GPR26: variants seen among roughly 807,000 people sequenced by gnomAD.
GPR26 encodes the protein G protein-coupled receptor 26.
GPR26 carries 15 observed loss-of-function variants against 23.1 expected under a neutral mutation model. The ratio of observed to expected loss-of-function variants is 0.65; its 90% CI spans 0.43 to 1.00. The LOEUF is 1.00. Ranked by LOEUF, GPR26 falls within the 50% of genes least tolerant of loss-of-function variation. The probability of loss-of-function intolerance (pLI) is 0.00; values close to 1 mark genes in which losing one functional copy is unlikely to be tolerated. For synonymous variants in GPR26, 228 were observed against 222.1 expected (o/e 1.03, Z -0.24); for missense variants, 359 against 470.5 (o/e 0.76, Z 2.19).
rs1845517405 is a variant in GPR26, at chr10:123,694,031, T to C, written c.*5871T>C. 1 of 151,606 alleles carries C rather than the reference T, an allele frequency of 6.6e-6. No individual in the cohort carries two copies. Among genetic ancestry groups the C allele is most frequent in the African/African-American group, 2.4e-5 (1 of 41,374 alleles). 9.4% of individuals were successfully genotyped at this position (151,606 alleles called of 1,614,324 possible). ...CTATGAGCAGACTTGCCTGTCACTC[T>C]CCAAACATTTACTGAACACCTACTG... On this transcript the variant is annotated 3_prime_UTR_variant, in exon 3 of 3. Transcript: ENST00000284674.
At chr10:123,685,371 G>A (rs1184148847) in intron 2 of GPR26, among the ~76,000 whole-genome samples, 1 of 152,210 alleles carries the variant, frequency 6.6e-6, no homozygotes, top group Non-Finnish European at 1.5e-5. Context: ...AACGAAAGGA[G>A]CTGGGGGCTG....
chr10:123,696,164 T>C lies in GPR26; in HGVS notation c.*8004T>C, dbSNP rs1845541136. 6.6e-6 allele frequency among the ~76,000 whole-genome samples: 1 copy of C among 152,192 alleles called. No homozygotes were observed. Among genetic ancestry groups the C allele is most frequent in the African/African-American group, 2.4e-5 (1 of 41,454 alleles). ...TCCTTCTGCCATAGTATGTCGTGTG[T>C]AGTGGATGCCAGTAGACAACTTTAG... On this transcript the variant is annotated 3_prime_UTR_variant, in exon 3 of 3. Transcript: ENST00000284674.
chr10:123,696,248 T>C lies in GPR26; in HGVS notation c.*8088T>C, dbSNP rs1845542276. 6.6e-6 allele frequency among the ~76,000 whole-genome samples: 1 copy of C among 152,218 alleles called. No individual in the cohort carries two copies. Among genetic ancestry groups the C allele is most frequent in the Non-Finnish European group, 1.5e-5 (1 of 68,040 alleles). On this transcript the variant is annotated 3_prime_UTR_variant, in exon 3 of 3. Coordinates refer to ENST00000284674, the MANE Select transcript of GPR26 (RefSeq NM_153442.4). ...TCATTTCGCCACACGGAGGCTTTAC[T>C]CTGCCCAGTGTCCAATGGGAGAACC...
chr10:123,673,921 C>CT (rs1554863679), intron 1 of GPR26, among the ~76,000 whole-genome samples: 5 of 150,046 alleles, frequency 3.3e-5, no homozygotes, highest in Non-Finnish European at 5.9e-5. Flanking sequence ...CTTCCTCTTC[C>CT]TCTTCTTCTT....
At position 123,675,969 on chromosome 10, in the gene GPR26, T is replaced by G. The variant is rs560215031; in HGVS notation, c.782+1038T>G. Among the ~76,000 whole-genome samples, 67 of 152,218 alleles carry G rather than the reference T, an allele frequency of 4.4e-4. 3 individuals carry two copies. In the South Asian group the frequency reaches 9.6e-3, roughly 22 times the overall value. On this transcript the variant is annotated intron_variant, in intron 2 of 2. Coordinates refer to ENST00000284674, the MANE Select transcript of GPR26 (RefSeq NM_153442.4). ...CCTGCCTCACCATCACTCAGCATCT[T>G]GCACACCCCAGTGAGGAGGGGGCCC...
rs1258914673 is a variant in GPR26, at chr10:123,690,568, T to G, written c.*2408T>G. The G allele has an allele frequency of 6.6e-6, 1 of 152,144 alleles. No homozygotes were observed. The highest frequency in any genetic ancestry group is 2.4e-5 in the African/African-American group (1 of 41,422). 9.4% of individuals were successfully genotyped at this position (152,144 alleles called of 1,614,324 possible). The stretch of plus-strand genomic sequence containing the variant: ...TGCTTTTCATAATTTTCACTATACC[T>G]CTAAAACCAATTGTACCGACATCAC... On this transcript the variant is annotated 3_prime_UTR_variant, in exon 3 of 3. Transcript: ENST00000284674.
At chr10:123,668,801 C>CT (rs1437060052) in intron 1 of GPR26, among the ~76,000 whole-genome samples, 5 of 152,322 alleles carry the variant, frequency 3.3e-5, no homozygotes, top group East Asian at 1.9e-4. Context: ...CACCATGAGT[C>CT]TAACAGCGGA....
rs539547593 is a variant in GPR26 at position 123,688,094 on chromosome 10, C to T, written c.948C>T (p.Arg316=). The change falls in exon 3 of 3, where the codon CGC becomes CGT. Residue 316 remains arginine (R), a synonymous_variant. Coordinates refer to ENST00000284674, the MANE Select transcript of GPR26 (RefSeq NM_153442.4). ...TTCTGAACAGGCTCCTGCACAGACG[C>T]TCCATCCACTCCTCTGGCCTCACAG... ...KEILNRLLHR[R]SIHSSGLTGD... is the part of the protein sequence containing the mutation. 1.2e-6 allele frequency: 2 copies of T among 1,613,908 alleles called. No individual in the cohort carries two copies. The highest frequency in any genetic ancestry group is 2.2e-5 in the East Asian group (1 of 44,872).
rs75389131 is a variant in GPR26, at chr10:123,693,617, C to G, written c.*5457C>G. 0.035 allele frequency: 5,345 copies of G among 152,420 alleles called. 147 individuals are homozygous for G. Among genetic ancestry groups the G allele is most frequent in the Admixed American group, 0.057 (871 of 15,300 alleles). 9.4% of individuals were successfully genotyped at this position (152,420 alleles called of 1,614,324 possible). A position where few individuals can be genotyped will look rare whatever the true frequency, so the allele number is the denominator to read the frequency against. The stretch of plus-strand genomic sequence containing the variant: ...CCCCAGACCAATGGCCTATTAGCCC[C>G]CAAAAAGTTAGTCCAACCCCAGGCC... On this transcript the variant is annotated 3_prime_UTR_variant, in exon 3 of 3. Coordinates refer to ENST00000284674, the MANE Select transcript of GPR26 (RefSeq NM_153442.4).
Position 123,685,363 on chromosome 10 carries a change from C to T in GPR26, c.783-2566C>T, listed in dbSNP as rs187977178. Among the ~76,000 whole-genome samples, 461 of 152,324 alleles carry T rather than the reference C, an allele frequency of 3.0e-3. 2 individuals are homozygous for T. The highest frequency in any genetic ancestry group is 0.014 in the Middle Eastern group (4 of 294). Reference sequence around the variant, plus strand: ...CGAAACCCTTGCCTCTTCTCATCAACGAAAGGAGCTGGGGGCTGTCAGAGC... The same window carrying T: ...CGAAACCCTTGCCTCTTCTCATCAATGAAAGGAGCTGGGGGCTGTCAGAGC... On this transcript the variant is annotated intron_variant, in intron 2 of 2. Coordinates refer to ENST00000284674, the MANE Select transcript of GPR26 (RefSeq NM_153442.4).
At chr10:123,681,021 TAG>T (rs1353637650) in intron 2 of GPR26, among the ~76,000 whole-genome samples, 1 of 151,988 alleles carries the variant, frequency 6.6e-6, no homozygotes, top group African/African-American at 2.4e-5. Context: ...ATATTTTTAG[TAG>T]AGATGGGGTT....
At chr10:123,668,357 A>C (rs1189928970) in intron 1 of GPR26, among the ~76,000 whole-genome samples, 3 of 152,196 alleles carry the variant, frequency 2.0e-5, no homozygotes, top group Non-Finnish European at 4.4e-5. Context: ...TCCTGATTAC[A>C]CACTGGACCA....
At chr10:123,673,941 C>CTTT (rs1845278711) in intron 1 of GPR26, among the ~76,000 whole-genome samples, 1 of 151,542 alleles carries the variant, frequency 6.6e-6, no homozygotes, top group Admixed American at 6.6e-5. Context: ...TCTTCTTCTT[C>CTTT]TTCCTTTTCT....
At chr10:123,680,565 G>C (rs1365161276) in intron 2 of GPR26, among the ~76,000 whole-genome samples, 1 of 152,212 alleles carries the variant, frequency 6.6e-6, no homozygotes, top group Non-Finnish European at 1.5e-5. Context: ...CTTGCATGCA[G>C]CACCTCCTCA....
In GPR26 at chr10:123,688,517, C is replaced by T. The variant is rs1046319859; in HGVS notation, c.*357C>T. On this transcript the variant is annotated 3_prime_UTR_variant, in exon 3 of 3. Transcript: ENST00000284674. ...GGTGGGAAGCATGGTGTCCACCTGCCTGCTGACCACTGGACGCTGCTCCAT... is the reference window on the plus strand; with the variant it reads ...GGTGGGAAGCATGGTGTCCACCTGCTTGCTGACCACTGGACGCTGCTCCAT... 1.6e-5 allele frequency: 5 copies of T among 307,258 alleles called. No homozygotes were observed. Among genetic ancestry groups the T allele is most frequent in the African/African-American group, 4.3e-5 (2 of 46,626 alleles). 19.0% of individuals were successfully genotyped at this position (307,258 alleles called of 1,614,324 possible). A position where few individuals can be genotyped will look rare whatever the true frequency, so the allele number is the denominator to read the frequency against.
At chr10:123,684,149 A>T (rs770205792) in intron 2 of GPR26, among the ~76,000 whole-genome samples, 3 of 152,152 alleles carry the variant, frequency 2.0e-5, no homozygotes, top group Non-Finnish European at 4.4e-5. Context: ...TTTCCCCCGA[A>T]TGGAGCCTCA....
rs1845469494 is a variant in GPR26 at position 123,689,559 on chromosome 10, G to A, written c.*1399G>A. ...CTCCACTCTAAGTGATTCCTCCAGG[G>A]TGGGAAGCACGGGGAGCAATGGAAT... On this transcript the variant is annotated 3_prime_UTR_variant, in exon 3 of 3. Transcript: ENST00000284674. 1 of 152,216 alleles carries A rather than the reference G, an allele frequency of 6.6e-6. No individual in the cohort carries two copies. Among genetic ancestry groups the A allele is most frequent in the South Asian group, 2.1e-4 (1 of 4,828 alleles). The allele number at this position is 152,216 out of a possible 1,614,324, so 9.4% of individuals were successfully genotyped here. A position where few individuals can be genotyped will look rare whatever the true frequency, so the allele number is the denominator to read the frequency against.
intron 1 of GPR26, among the ~76,000 whole-genome samples, chr10:123,673,921 C>CTCTTCCTCT (rs112787370): frequency 6.7e-5 from 10 of 150,046 alleles, no homozygotes; most frequent in African/African-American, 2.0e-4. Context: ...CTTCCTCTTC[C>CTCTTCCTCT]TCTTCTTCTT....
At chr10:123,669,973 G>C (rs147731305) in intron 1 of GPR26, among the ~76,000 whole-genome samples, 129 of 152,324 alleles carry the variant, frequency 8.5e-4, no homozygotes, top group African/African-American at 2.7e-3. Context: ...GTTATAGGCA[G>C]CCCCTCTCCC....
Sources: gnomAD v4.1 joint callset for allele counts (sites outside exome capture counted in the v4.1 genomes callset) on GRCh38, gnomAD v4.1.1 for gene constraint, MANE v1.5 for transcripts, NCBI Gene and HGNC (gene_info 2026-07-23, HGNC 2026-07-21) for gene names.